PDE6D: variants seen among roughly 807,000 people sequenced by gnomAD.
PDE6D encodes retinal rod rhodopsin-sensitive cGMP 3',5'-cyclic phosphodiesterase subunit delta.
In PDE6D, 10 loss-of-function variants were observed where a neutral mutation model predicts 21.9. That is an observed-to-expected ratio of 0.46 (90% CI 0.28 to 0.78). PDE6D has a LOEUF of 0.78. PDE6D is among the 30% of genes least tolerant of loss of function. PDE6D has a pLI of 0.12. For missense variants in PDE6D, 139 were observed against 184.8 expected (o/e 0.75, Z 1.44); for synonymous variants, 59 against 63.5 (o/e 0.93, Z 0.34).
intron 3 of PDE6D, chr2:231,737,761 C>T: frequency 2.3e-6 from 1 of 438,884 alleles, no homozygotes; most frequent in Non-Finnish European, 4.1e-6. Context: ...TATCACAATA[C>T]AACGTCAGTG....
intron 2 of PDE6D, among the ~76,000 whole-genome samples, 166 bp downstream of exon 2, chr2:231,738,919 CAAAAAAAAAAAAAAA>C (rs1157734125): frequency 3.2e-5 from 2 of 62,648 alleles, no homozygotes; most frequent in Non-Finnish European, 5.7e-5. Flanking sequence ...GACTGTGTCT[CAAAAAAAAAAAAAAA>C]AAAAAAAAAA....
chr2:231,770,351 G>T lies in PDE6D; in HGVS notation c.50+10714C>A, dbSNP rs75529513. ...CCACCTGCTGCTTAAGTATTTTCTG[G>T]AAAATGTCTTTTTTTCCTCTGGTAA... On this transcript the variant is annotated intron_variant, in intron 1 of 4. Coordinates refer to ENST00000287600, the MANE Select transcript of PDE6D (RefSeq NM_002601.4). Among the ~76,000 whole-genome samples the T allele has an allele frequency of 5.9e-5, 9 of 152,248 alleles. No individual in the cohort carries two copies. The East Asian group carries it at 1.7e-3, about 29-fold the overall frequency.
chr2:231,739,637 G>GT lies in PDE6D; in HGVS notation c.51-450dup, dbSNP rs144122637. On this transcript the variant is annotated intron_variant, in intron 1 of 4. Transcript: ENST00000287600. This position sits in a 1 kb window ranked among gnomAD's most constrained non-coding sequence, Gnocchi z 4.2. Reference sequence around the variant, plus strand: ...AAATTGCTTTGTAGTGGCCCCCTCTGTTTTTTTTTTTTGAAACAGAGTCTC... The same window carrying GT: ...AAATTGCTTTGTAGTGGCCCCCTCTGTTTTTTTTTTTTTGAAACAGAGTCTC... Among the ~76,000 whole-genome samples the GT allele has an allele frequency of 0.35, 50,547 of 145,656 alleles. 9,113 individuals carry two copies. Among genetic ancestry groups the GT allele is most frequent in the African/African-American group, 0.47 (18,819 of 40,036 alleles).
chr2:231,758,233 T>C (rs1009114515), intron 1 of PDE6D, among the ~76,000 whole-genome samples: 1 of 151,972 alleles, frequency 6.6e-6, no homozygotes, highest in African/African-American at 2.4e-5. Context: ...CTTCAAACTG[T>C]TGGGCTCAAG....
chr2:231,752,498 A>T (rs1275484694), intron 1 of PDE6D, among the ~76,000 whole-genome samples: 1 of 152,226 alleles, frequency 6.6e-6, no homozygotes, highest in Non-Finnish European at 1.5e-5. Flanking sequence ...GAGGCACATT[A>T]TGGAAGTGAC....
In PDE6D at chr2:231,732,908, C is replaced by T; in HGVS notation, c.*44G>A. ...GAAAAAAGTAAACAGTTTCCTCCTC[C>T]CTCCAAAAAACCCAAATTCTTGAAA... On this transcript the variant is annotated 3_prime_UTR_variant, in exon 5 of 5. Transcript: ENST00000287600. 7.9e-7 allele frequency: 1 copy of T among 1,267,008 alleles called. No homozygotes were observed. The highest frequency in any genetic ancestry group is 1.1e-6 in the Non-Finnish European group (1 of 869,834). The allele number at this position is 1,267,008 out of a possible 1,614,324, so 78.5% of individuals were successfully genotyped here. A position where few individuals can be genotyped will look rare whatever the true frequency, so the allele number is the denominator to read the frequency against.
chr2:231,764,725 T>G (rs375543825), intron 1 of PDE6D, among the ~76,000 whole-genome samples: 13 of 152,336 alleles, frequency 8.5e-5, no homozygotes, highest in East Asian at 7.7e-4. Flanking sequence ...CATCACCTCC[T>G]ATCCTGGCCA....
intron 1 of PDE6D, among the ~76,000 whole-genome samples, chr2:231,759,324 T>C: frequency 6.6e-6 from 1 of 151,398 alleles, no homozygotes. Context: ...TCAAAATAAA[T>C]AAATAAAGCA....
chr2:231,742,917 G>A (rs1010554881), intron 1 of PDE6D, among the ~76,000 whole-genome samples: 3 of 152,154 alleles, frequency 2.0e-5, no homozygotes, highest in African/African-American at 7.2e-5. Context: ...GGCAGCAGGG[G>A]CATGCCAACC....
At chr2:231,776,422 T>C (rs1313070816) in intron 1 of PDE6D, among the ~76,000 whole-genome samples, 2 of 151,876 alleles carry the variant, frequency 1.3e-5, no homozygotes, top group Non-Finnish European at 2.9e-5. Context: ...AAATCTATTA[T>C]TAAGTGAACA....
intron 1 of PDE6D, among the ~76,000 whole-genome samples, chr2:231,755,811 T>TC (rs927670087): frequency 1.3e-5 from 2 of 152,056 alleles, no homozygotes; most frequent in African/African-American, 4.8e-5. Flanking sequence ...TCCCAGCTAC[T>TC]TAGGAGGCTG....
chr2:231,738,239 AC>A lies in PDE6D; in HGVS notation c.140-102del. The A allele has an allele frequency of 1.0e-5, 11 of 1,078,648 alleles. 1 individual carries two copies. In the South Asian group the frequency reaches 1.7e-4, roughly 17 times the overall value. 66.8% of individuals were successfully genotyped at this position (1,078,648 alleles called of 1,614,324 possible). On this transcript the variant is annotated intron_variant, in intron 2 of 4. Transcript: ENST00000287600. ...GCTTCTTACAGCTGATTTAGAGAAC[AC>A]TTTCTTACAGCTGATTTAGAGAACA... is the stretch of plus-strand genomic sequence containing the variant.
At chr2:231,757,068 C>T (rs1244383764) in intron 1 of PDE6D, among the ~76,000 whole-genome samples, 1 of 151,546 alleles carries the variant, frequency 6.6e-6, no homozygotes, top group Non-Finnish European at 1.5e-5. Context: ...AGGTGATCCT[C>T]CCACCTCAGC....
At position 231,737,256 on chromosome 2, in the gene PDE6D, G is replaced by C. The variant is rs1194610832; in HGVS notation, c.302C>G (p.Ser101Cys). 6.2e-7 allele frequency: 1 copy of C among 1,612,796 alleles called. No individual in the cohort carries two copies. Among genetic ancestry groups the C allele is most frequent in the Non-Finnish European group, 8.5e-7 (1 of 1,178,850 alleles). Residue 101 changes from serine to cysteine, a missense_variant, in exon 4 of 5, where the codon TCC (serine) becomes TGC (cysteine). By Grantham distance (112) the Ser-to-Cys change is moderately radical (BLOSUM62 -1). Transcript: ENST00000287600. ...TATCAAGGACTGCCAGGTATTTGTG[G>C]AGTTAGGGATCACAAAGCCAAACTC... ...FFEFGFVIPNSTNTWQSLIEA... is the reference protein window; with the variant it reads ...FFEFGFVIPNCTNTWQSLIEA...
intron 1 of PDE6D, among the ~76,000 whole-genome samples, chr2:231,742,611 C>T (rs2048759434): frequency 6.6e-6 from 1 of 152,152 alleles, no homozygotes; most frequent in South Asian, 2.1e-4. Context: ...TGCGAAGAGA[C>T]TGAGCTGCAG....
intron 1 of PDE6D, among the ~76,000 whole-genome samples, chr2:231,757,951 TA>T (rs775118317): frequency 1.3e-4 from 19 of 147,028 alleles, no homozygotes; most frequent in Admixed American, 5.4e-4. Context: ...CATGGCCCCT[TA>T]AAAAAAAAAG....
intron 1 of PDE6D, among the ~76,000 whole-genome samples, chr2:231,747,754 T>G (rs1360593331): frequency 6.6e-6 from 1 of 152,202 alleles, no homozygotes; most frequent in Non-Finnish European, 1.5e-5. Flanking sequence ...TCCAATACAC[T>G]AATACCTCTT....
At chr2:231,778,512 T>C (rs562635539) in intron 1 of PDE6D, among the ~76,000 whole-genome samples, 3 of 152,182 alleles carry the variant, frequency 2.0e-5, no homozygotes, top group Non-Finnish European at 4.4e-5. Flanking sequence ...ACTTCTCTAA[T>C]AATAACAAGA....
At chr2:231,760,138 C>T (rs1574629258) in intron 1 of PDE6D, among the ~76,000 whole-genome samples, 1 of 152,212 alleles carries the variant, frequency 6.6e-6, no homozygotes, top group East Asian at 1.9e-4. Flanking sequence ...TGGTCCTTAT[C>T]AAATGGGTCA....
Sources: gnomAD v4.1 joint callset for allele counts (sites outside exome capture counted in the v4.1 genomes callset) on GRCh38, gnomAD v4.1.1 for gene constraint, Gnocchi (gnomAD v3.1) non-coding constraint, MANE v1.5 for transcripts, NCBI Gene and HGNC (gene_info 2026-07-23, HGNC 2026-07-21) for gene names.